The following ATG5 variants were observed in gnomAD, a reference collection of about 807,000 sequenced individuals.
The protein encoded by ATG5 is autophagy protein 5.
ATG5 carries 14 observed loss-of-function variants against 36.5 expected under a neutral mutation model. The observed-to-expected ratio is 0.38, with a 90% CI of 0.25 to 0.60. The LOEUF (loss-of-function observed/expected upper bound fraction) is 0.60, where lower values mean the gene tolerates loss of function less well. Ranked by LOEUF, ATG5 falls within the 20% of genes least tolerant of loss-of-function variation. The pLI is 0.60. For synonymous variants in ATG5, 95 were observed against 101.5 expected (o/e 0.94, Z 0.38); for missense variants, 195 against 326.7 (o/e 0.60, Z 3.11).
In ATG5 at chr6:106,293,024, A is replaced by C; in HGVS notation, c.315+4T>G. 1 of 1,609,694 alleles carries C rather than the reference A, an allele frequency of 6.2e-7. No individual in the cohort carries two copies. The highest frequency in any genetic ancestry group is 1.3e-5 in the African/African-American group (1 of 74,902). Reference sequence around the variant, plus strand: ...GGACGAAGGAGAAATGCAATTTACTATACCTTAAAATGTACTGTGATGTTC... The same window carrying C: ...GGACGAAGGAGAAATGCAATTTACTCTACCTTAAAATGTACTGTGATGTTC... On this transcript the variant is annotated splice_donor_region_variant and intron_variant, in intron 4 of 7. Transcript: ENST00000369076.
chr6:106,322,951 GCT>G (rs147323588), intron 1 of ATG5, among the ~76,000 whole-genome samples: 6,833 of 152,068 alleles, frequency 0.045, 184 homozygotes, highest in East Asian at 0.079. Context: ...ACGGGGTCTC[GCT>G]CTGTCGCCCA....
At chr6:106,319,435 G>A (rs1770981093) in intron 1 of ATG5, among the ~76,000 whole-genome samples, 1 of 152,182 alleles carries the variant, frequency 6.6e-6, no homozygotes, top group African/African-American at 2.4e-5. Context: ...GGTGCTAGAA[G>A]AAGAATAATG....
intron 6 of ATG5, among the ~76,000 whole-genome samples, chr6:106,221,824 A>G (rs1007667510): frequency 1.3e-5 from 2 of 152,214 alleles, no homozygotes; most frequent in African/African-American, 4.8e-5. Flanking sequence ...AGGATGAGAA[A>G]GAAAATAGTA....
In ATG5 at chr6:106,246,392, T is replaced by TCACA. The variant is rs72252671; in HGVS notation, c.573+1754_573+1757dup. ...CTCTGTCTCTCTCTCTCTCTCTCTC[T>TCACA]CACACACACACACACACACACACAC... On this transcript the variant is annotated intron_variant, in intron 6 of 7. Transcript: ENST00000369076. 5.7e-3 allele frequency among the ~76,000 whole-genome samples: 744 copies of TCACA among 129,622 alleles called. 8 individuals are homozygous for TCACA. Among genetic ancestry groups the TCACA allele is most frequent in the Middle Eastern group, 0.02 (5 of 254 alleles). 85.0% of individuals were successfully genotyped at this position (129,622 alleles called of 152,430 possible). A position where few individuals can be genotyped will look rare whatever the true frequency, so the allele number is the denominator to read the frequency against.
chr6:106,291,781 T>C (rs2114628027), intron 4 of ATG5, among the ~76,000 whole-genome samples: 1 of 152,378 alleles, frequency 6.6e-6, no homozygotes, highest in Non-Finnish European at 1.5e-5. Flanking sequence ...TATGCAAGCA[T>C]TCCTTGCTTT....
In ATG5 at chr6:106,307,214, GCT is replaced by G. The variant is rs948631845; in HGVS notation, c.236+1148_236+1149del. 6.6e-5 allele frequency among the ~76,000 whole-genome samples: 10 copies of G among 152,216 alleles called. No homozygotes were observed. The East Asian group carries it at 1.7e-3, about 26-fold the overall frequency. On this transcript the variant is annotated intron_variant, in intron 3 of 7. Transcript: ENST00000369076. ...GTAGCTTCCTTTCATCTGTCCTAAA[GCT>G]CTTTCAAAAACTCTTCATTTTAATA...
intron 5 of ATG5, among the ~76,000 whole-genome samples, chr6:106,248,953 A>G (rs910536044): frequency 6.6e-6 from 1 of 152,208 alleles, no homozygotes; most frequent in Non-Finnish European, 1.5e-5. Flanking sequence ...ATAAAAATAA[A>G]AATAAAGTCA....
chr6:106,250,754 A>C (rs1778542685), intron 5 of ATG5, among the ~76,000 whole-genome samples: 1 of 152,234 alleles, frequency 6.6e-6, no homozygotes, highest in South Asian at 2.1e-4. Context: ...GAATCAAAGA[A>C]TGGATAGAAC....
chr6:106,320,496 G>C (rs1175319475), intron 1 of ATG5, among the ~76,000 whole-genome samples: 1 of 152,022 alleles, frequency 6.6e-6, no homozygotes, highest in Non-Finnish European at 1.5e-5. Context: ...AATAGATAAT[G>C]AAAGAGCTGA....
chr6:106,214,768 C>T (rs1402343578), intron 6 of ATG5, among the ~76,000 whole-genome samples: 1 of 152,154 alleles, frequency 6.6e-6, no homozygotes, highest in Non-Finnish European at 1.5e-5. Flanking sequence ...AGTAATACTT[C>T]CCTTTCTTGG....
At chr6:106,237,905 T>C (rs1350210653) in intron 6 of ATG5, among the ~76,000 whole-genome samples, 1 of 152,218 alleles carries the variant, frequency 6.6e-6, no homozygotes, top group Non-Finnish European at 1.5e-5. Context: ...TTAGCTTCTC[T>C]ACATTTACTA....
intron 5 of ATG5, among the ~76,000 whole-genome samples, chr6:106,251,981 T>C (rs1214845312): frequency 6.6e-6 from 1 of 151,940 alleles, no homozygotes; most frequent in Admixed American, 6.6e-5. Context: ...GCTGGGGTTA[T>C]AGGCATGCAT....
chr6:106,211,939 T>C (rs1408682964), intron 6 of ATG5, among the ~76,000 whole-genome samples: 1 of 152,232 alleles, frequency 6.6e-6, no homozygotes, highest in African/African-American at 2.4e-5. Flanking sequence ...ATTTACTACA[T>C]TTATAAGTAA....
At chr6:106,313,422 T>C (rs1429501364) in intron 2 of ATG5, among the ~76,000 whole-genome samples, 2 of 152,166 alleles carry the variant, frequency 1.3e-5, no homozygotes, top group Non-Finnish European at 1.5e-5. Context: ...ATGTTAAGGG[T>C]CCATGACATT....
chr6:106,218,520 T>C (rs1008250491), intron 6 of ATG5, among the ~76,000 whole-genome samples: 1 of 152,176 alleles, frequency 6.6e-6, no homozygotes, highest in Non-Finnish European at 1.5e-5. Flanking sequence ...ACTCTAATAA[T>C]GGTTGGGCCA....
intron 6 of ATG5, among the ~76,000 whole-genome samples, chr6:106,240,667 A>AT (rs527328007): frequency 4.0e-5 from 6 of 149,736 alleles, no homozygotes; most frequent in Non-Finnish European, 7.4e-5. Context: ...TAAGCTGGCA[A>AT]TTTTTTTTTT....
Position 106,322,086 on chromosome 6 carries a change from T to C in ATG5, c.-59+3440A>G, listed in dbSNP as rs570366087. On this transcript the variant is annotated intron_variant, in intron 1 of 7. Transcript: ENST00000369076. ...CAATCACCATCCAATTTCAAGGAAC[T>C]GTCTTGGAAATAAAGAAACTCCAAC... 1.4e-4 allele frequency among the ~76,000 whole-genome samples: 21 copies of C among 152,316 alleles called. 1 individual carries two copies. The highest frequency in any genetic ancestry group is 5.1e-4 in the African/African-American group (21 of 41,552).
At chr6:106,220,595 T>A (rs1431974079) in intron 6 of ATG5, among the ~76,000 whole-genome samples, 1 of 152,166 alleles carries the variant, frequency 6.6e-6, no homozygotes, top group Admixed American at 6.5e-5. Flanking sequence ...CTACTTAAAA[T>A]TATTAGCAAA....
At chr6:106,209,702 G>A (rs1325042443) in intron 6 of ATG5, among the ~76,000 whole-genome samples, 1 of 152,054 alleles carries the variant, frequency 6.6e-6, no homozygotes, top group Non-Finnish European at 1.5e-5. Context: ...TAAGGTTTGT[G>A]GATTATATTA....
Sources: allele counts gnomAD v4.1 joint callset (sites outside exome capture counted in the v4.1 genomes callset), GRCh38; gene constraint gnomAD v4.1.1; transcripts MANE v1.5; gene names NCBI Gene and HGNC (gene_info 2026-07-23, HGNC 2026-07-21).